SLC24A4: variants seen among roughly 807,000 people sequenced by gnomAD.
SLC24A4 encodes the protein solute carrier family 24 member 4, also known as sodium/potassium/calcium exchanger 4.
In SLC24A4, 53 loss-of-function variants were observed where a neutral mutation model predicts 79.0. The observed-to-expected ratio is 0.67, with a 90% confidence interval of 0.54 to 0.84. The LOEUF is 0.84. Among genes scored for constraint, SLC24A4 ranks in the 40% least tolerant of loss-of-function variants. The pLI is 0.00. For missense variants in SLC24A4, 731 were observed against 822.0 expected, an observed-to-expected ratio of 0.89 and a Z score of 1.35; for synonymous variants, 323 against 323.8, an observed-to-expected ratio of 1.00 and a Z score of 0.03.
chr14:92,347,096 TA>T (rs1161082410), intron 2 of SLC24A4, among the ~76,000 whole-genome samples: 1 of 152,150 alleles, frequency 6.6e-6, no homozygotes, highest in Admixed American at 6.5e-5. Context: ...AGGAATGCTT[TA>T]CAATCGACTC....
chr14:92,356,476 G>A (rs1259630293), intron 2 of SLC24A4, among the ~76,000 whole-genome samples: 3 of 152,150 alleles, frequency 2.0e-5, no homozygotes, highest in Admixed American at 1.3e-4. Context: ...AAGCTCTGAA[G>A]CCAGAACTCC....
At chr14:92,395,120 G>T (rs1038630319) in intron 2 of SLC24A4, among the ~76,000 whole-genome samples, 1 of 152,188 alleles carries the variant, frequency 6.6e-6, no homozygotes, top group Non-Finnish European at 1.5e-5. Context: ...CCCCAGAGAG[G>T]TTTGTAAATT....
chr14:92,326,368 T>C (rs1380109292), intron 2 of SLC24A4, among the ~76,000 whole-genome samples: 1 of 152,154 alleles, frequency 6.6e-6, no homozygotes, highest in Non-Finnish European at 1.5e-5. Flanking sequence ...GCTGTGGCAA[T>C]GGTGCTTTGA....
intron 8 of SLC24A4, among the ~76,000 whole-genome samples, chr14:92,445,739 A>G (rs2139820190): frequency 6.6e-6 from 1 of 152,382 alleles, no homozygotes; most frequent in Non-Finnish European, 1.5e-5. Context: ...ACAACTGGGA[A>G]TCCACACAGA....
intron 7 of SLC24A4, among the ~76,000 whole-genome samples, chr14:92,444,957 AC>A (rs1892711941): frequency 6.6e-6 from 1 of 150,436 alleles, no homozygotes; most frequent in African/African-American, 2.5e-5. Flanking sequence ...ACACACACAC[AC>A]ACACACACAC....
chr14:92,335,511 C>T (rs1051006063), intron 2 of SLC24A4, among the ~76,000 whole-genome samples: 3 of 140,616 alleles, frequency 2.1e-5, no homozygotes, highest in Non-Finnish European at 3.1e-5. Context: ...TGTGCCACCA[C>T]GCCCAGCTAA....
chr14:92,360,348 T>C (rs1415620843), intron 2 of SLC24A4, among the ~76,000 whole-genome samples: 1 of 151,836 alleles, frequency 6.6e-6, no homozygotes. Flanking sequence ...CAATCCTCCC[T>C]CCTCAGCCTC....
intron 14 of SLC24A4, among the ~76,000 whole-genome samples, chr14:92,489,703 T>C (rs1477119609): frequency 6.6e-6 from 1 of 152,106 alleles, no homozygotes; most frequent in East Asian, 1.9e-4. Flanking sequence ...CTGTTCTCAC[T>C]AAAATTTGAG....
At chr14:92,430,172 G>T (rs1891783871) in intron 2 of SLC24A4, among the ~76,000 whole-genome samples, 1 of 152,198 alleles carries the variant, frequency 6.6e-6, no homozygotes, top group Non-Finnish European at 1.5e-5. Flanking sequence ...TTCCCCAAAA[G>T]TCAAGCCACC....
chr14:92,392,903 G>A (rs1160289398), intron 2 of SLC24A4, among the ~76,000 whole-genome samples: 3 of 152,126 alleles, frequency 2.0e-5, no homozygotes, highest in African/African-American at 7.2e-5. Context: ...GGTCACATAG[G>A]AGGCATCATC....
At chr14:92,445,703 G>C (rs956537541) in intron 8 of SLC24A4, among the ~76,000 whole-genome samples, 2 of 152,184 alleles carry the variant, frequency 1.3e-5, no homozygotes, top group Non-Finnish European at 2.9e-5. Context: ...CAGTGAGTTA[G>C]GAATAGAGTC....
intron 12 of SLC24A4, among the ~76,000 whole-genome samples, chr14:92,470,010 T>C (rs1479627105): frequency 1.3e-5 from 2 of 152,218 alleles, no homozygotes; most frequent in Non-Finnish European, 2.9e-5. Context: ...CTTTCAAATA[T>C]GGTAAAACCT....
intron 2 of SLC24A4, among the ~76,000 whole-genome samples, chr14:92,367,233 T>C (rs974503552): frequency 3.3e-5 from 5 of 152,196 alleles, no homozygotes; most frequent in African/African-American, 4.8e-5. Flanking sequence ...CTCTGCGCTG[T>C]TCGAGGCTAG....
chr14:92,363,739 A>G (rs143579966), intron 2 of SLC24A4, among the ~76,000 whole-genome samples: 10,537 of 152,208 alleles, frequency 0.069, 460 homozygotes, highest in Admixed American at 0.093. Context: ...CTGAGGCAGG[A>G]GAATCACTTG....
In SLC24A4 at chr14:92,345,149, A is replaced by T. The variant is rs150665082; in HGVS notation, c.241+19171A>T. Among the ~76,000 whole-genome samples, 276 of 152,264 alleles carry T rather than the reference A, an allele frequency of 1.8e-3. 1 individual carries two copies. Among genetic ancestry groups the T allele is most frequent in the African/African-American group, 6.2e-3 (259 of 41,552 alleles). On this transcript the variant is annotated intron_variant, in intron 2 of 16. Coordinates refer to ENST00000532405, the MANE Select transcript of SLC24A4 (RefSeq NM_153646.4). The stretch of plus-strand genomic sequence containing the variant: ...GAGTTGCAGGATCTTTAGTTGGGTG[A>T]GGGCTACATTTGGCCTGCCTTGCAC...
At chr14:92,355,609 A>G (rs191733908) in intron 2 of SLC24A4, among the ~76,000 whole-genome samples, 24 of 151,676 alleles carry the variant, frequency 1.6e-4, no homozygotes, top group Non-Finnish European at 3.1e-4. Flanking sequence ...AGAAGCCAAT[A>G]TTTGTCTGGG....
At chr14:92,346,619 T>C (rs909826777) in intron 2 of SLC24A4, among the ~76,000 whole-genome samples, 2 of 152,238 alleles carry the variant, frequency 1.3e-5, no homozygotes, top group African/African-American at 4.8e-5. Context: ...AATAGCTGCT[T>C]GCAGTGGTAG....
chr14:92,343,630 T>TTC (rs1566699970), intron 2 of SLC24A4, among the ~76,000 whole-genome samples: 1 of 104,952 alleles, frequency 9.5e-6, no homozygotes, highest in South Asian at 3.2e-4. Flanking sequence ...CTTTCTTTCT[T>TTC]TCTTTCTTTC....
rs1420897419 is a variant in SLC24A4 at position 92,353,652 on chromosome 14, A to G, written c.241+27674A>G. Among the ~76,000 whole-genome samples, 1 of 152,116 alleles carries G rather than the reference A, an allele frequency of 6.6e-6. No homozygotes were observed. Among genetic ancestry groups the G allele is most frequent in the Non-Finnish European group, 1.5e-5 (1 of 68,026 alleles). The stretch of plus-strand genomic sequence containing the variant: ...ATGAGTGAGGTTGAGCATTTTTCCT[A>G]TTAGAGTCATTTGTGTTCCCTTTCT... On this transcript the variant is annotated intron_variant, in intron 2 of 16. Transcript: ENST00000532405. This position sits in a 1 kb window ranked among gnomAD's most constrained non-coding sequence, Gnocchi z 4.1.
Sources: gnomAD v4.1 joint callset for allele counts (sites outside exome capture counted in the v4.1 genomes callset) on GRCh38, gnomAD v4.1.1 for gene constraint, Gnocchi (gnomAD v3.1) non-coding constraint, MANE v1.5 for transcripts, NCBI Gene and HGNC (gene_info 2026-07-23, HGNC 2026-07-21) for gene names.